Variants in SPEF2 observed in about 807,000 individuals in gnomAD.
SPEF2 encodes sperm flagellar and cilia associated 2.
A neutral mutation model predicts 224.6 loss-of-function variants in SPEF2; 187 were observed. The ratio of observed to expected loss-of-function variants is 0.83; its 90% confidence interval spans 0.74 to 0.94. SPEF2 has a LOEUF of 0.94. Ranked by LOEUF, SPEF2 falls within the 40% of genes least tolerant of loss-of-function variation. The pLI, the probability that SPEF2 is intolerant of heterozygous loss-of-function variation, is 0.00. For missense variants in SPEF2, 2,170 were observed against 2,135.6 expected (o/e 1.02, Z -0.32); for synonymous variants, 715 against 707.3 (o/e 1.01, Z -0.17).
At chr5:35,636,201 G>C (rs1745812540) in intron 2 of SPEF2, among the ~76,000 whole-genome samples, 1 of 152,118 alleles carries the variant, frequency 6.6e-6, no homozygotes, top group South Asian at 2.1e-4. Context: ...GTCTCTAGTT[G>C]ATTAGCTTAG....
chr5:35,709,112 C>T lies in SPEF2; in HGVS notation c.2830C>T (p.Pro944Ser). ...ASKTPTAKGK[P>S]QSEAPHGKQE... ...AAAAACTCCTACTGCAAAAGGAAAA[C>T]CTCAATCAGGTGATTGACAGAATGA... Residue 944 changes from proline to serine, a missense_variant, in exon 19 of 37, where the codon CCT becomes TCT. Pro to Ser is a moderately conservative substitution (Grantham distance 74). Coordinates refer to ENST00000356031, the MANE Select transcript of SPEF2 (RefSeq NM_024867.4). 2 of 1,611,796 alleles carry T rather than the reference C, an allele frequency of 1.2e-6. No individual in the cohort carries two copies. Among genetic ancestry groups the T allele is most frequent in the Non-Finnish European group, 1.7e-6 (2 of 1,179,512 alleles).
Position 35,712,841 on chromosome 5 carries a change from C to T in SPEF2, c.2869C>T (p.Gln957Ter), listed in dbSNP as rs746972336. 4.3e-6 allele frequency: 7 copies of T among 1,613,610 alleles called. No individual in the cohort carries two copies. The highest frequency in any genetic ancestry group is 5.9e-6 in the Non-Finnish European group (7 of 1,179,922). The change falls in exon 20 of 37, where the codon CAG (glutamine) becomes TAG (stop). Residue 957 changes from glutamine to a stop codon, truncating the protein, a stop_gained. Coordinates refer to ENST00000356031, the MANE Select transcript of SPEF2 (RefSeq NM_024867.4). LOFTEE classifies it high-confidence loss of function. ...EAPHGKQESLQEGKGKKGETA... is the reference protein window; with the variant it reads ...EAPHGKQESL ...CCCGCATGGTAAGCAAGAATCTCTT[C>T]AGGAAGGAAAAGGGAAGAAAGGTGA...
intron 23 of SPEF2, among the ~76,000 whole-genome samples, chr5:35,747,425 A>G (rs1225047740): frequency 6.6e-6 from 1 of 152,196 alleles, no homozygotes; most frequent in Non-Finnish European, 1.5e-5. Flanking sequence ...CCAACCAACT[A>G]TCTGCTGCTG....
chr5:35,692,080 G>A (rs1389512489), intron 11 of SPEF2, among the ~76,000 whole-genome samples: 1 of 151,910 alleles, frequency 6.6e-6, no homozygotes, highest in East Asian at 2.0e-4. Context: ...TTACAAGCAT[G>A]AGCCACCGTG....
At chr5:35,734,404 C>G (rs1274532445) in intron 21 of SPEF2, among the ~76,000 whole-genome samples, 1 of 67,180 alleles carries the variant, frequency 1.5e-5, no homozygotes, top group East Asian at 2.8e-4. Context: ...AAGAATAATT[C>G]TCTTGGGCCA....
intron 23 of SPEF2, among the ~76,000 whole-genome samples, chr5:35,749,233 C>T (rs2149713673): frequency 6.6e-6 from 1 of 152,162 alleles, no homozygotes; most frequent in South Asian, 2.1e-4. Context: ...ATGACAAACC[C>T]ACAGCTACCA....
chr5:35,675,648 ACTACAGGC>A (rs1302718278), intron 10 of SPEF2: 2 of 211,418 alleles, frequency 9.5e-6, no homozygotes, highest in African/African-American at 4.6e-5. Flanking sequence ...AGTAGCCAGG[ACTACAGGC>A]CTACAGGCGC....
chr5:35,729,280 A>G (rs1745214103), intron 21 of SPEF2, among the ~76,000 whole-genome samples: 1 of 152,122 alleles, frequency 6.6e-6, no homozygotes, highest in Non-Finnish European at 1.5e-5. Flanking sequence ...GGGGGTCACT[A>G]TGGCCCCTAG....
At position 35,646,334 on chromosome 5, in the gene SPEF2, T is replaced by C. The variant is rs181101906; in HGVS notation, c.586-333T>C. 8.2e-3 allele frequency among the ~76,000 whole-genome samples: 1,247 copies of C among 152,264 alleles called. 7 individuals carry two copies. The highest frequency in any genetic ancestry group is 0.01 in the Non-Finnish European group (705 of 68,006). ...TTTTTTCTTCCCATCCTTGGTAAGGTCATGGCAGTAGGATTGGGAAAGAAT... is the reference window on the plus strand; with the variant it reads ...TTTTTTCTTCCCATCCTTGGTAAGGCCATGGCAGTAGGATTGGGAAAGAAT... On this transcript the variant is annotated intron_variant, in intron 4 of 36. Coordinates refer to ENST00000356031, the MANE Select transcript of SPEF2 (RefSeq NM_024867.4).
intron 26 of SPEF2, among the ~76,000 whole-genome samples, chr5:35,767,578 T>C (rs1275862117): frequency 2.0e-5 from 3 of 151,940 alleles, no homozygotes; most frequent in African/African-American, 4.8e-5. Flanking sequence ...GGGGGGAAGA[T>C]GAAATTTAAA....
At chr5:35,808,106 C>T (rs1037696281) in intron 36 of SPEF2, 1 of 1,003,736 alleles carries the variant, frequency 1.0e-6, no homozygotes, top group Non-Finnish European at 1.2e-6. Flanking sequence ...TCTTCCTATA[C>T]CCACAAATGA....
At chr5:35,699,776 A>G (rs1345330895) in intron 15 of SPEF2, 1 of 152,260 alleles carries the variant, frequency 6.6e-6, no homozygotes, top group East Asian at 1.9e-4. Flanking sequence ...TGAACACAAT[A>G]TAGAAAATGC....
intron 10 of SPEF2, among the ~76,000 whole-genome samples, chr5:35,680,796 A>G (rs1026260902): frequency 6.6e-6 from 1 of 152,218 alleles, no homozygotes; most frequent in Admixed American, 6.5e-5. Context: ...AGACTCTTCT[A>G]TCTTTGTATT....
intron 21 of SPEF2, 96 bp downstream of exon 21, chr5:35,727,919 C>A: frequency 7.7e-7 from 1 of 1,306,566 alleles, no homozygotes; most frequent in Non-Finnish European, 1.1e-6. Context: ...AGGCCTTTTA[C>A]AGCAGGTAAT....
chr5:35,662,706 T>G (rs2149459263), intron 8 of SPEF2, among the ~76,000 whole-genome samples: 1 of 152,294 alleles, frequency 6.6e-6, no homozygotes, highest in South Asian at 2.1e-4. Flanking sequence ...ATTGCTTGTG[T>G]TTGTCAGGTT....
At chr5:35,664,844 G>GGGAA (rs1554023949) in intron 8 of SPEF2, among the ~76,000 whole-genome samples, 1 of 150,456 alleles carries the variant, frequency 6.6e-6, no homozygotes, top group Admixed American at 6.6e-5. Flanking sequence ...GGAGGAGAGA[G>GGGAA]AGAAAACGAG....
At chr5:35,695,700 C>T in intron 13 of SPEF2, 35 bp from the exon 14 acceptor site, 1 of 1,571,572 alleles carries the variant, frequency 6.4e-7, no homozygotes, top group African/African-American at 1.4e-5. Context: ...GTGTAAATAC[C>T]AGAAATTTGT....
chr5:35,695,036 CATT>C lies in SPEF2; in HGVS notation c.1975+680_1975+682del, dbSNP rs1755092749. On this transcript the variant is annotated intron_variant, in intron 13 of 36. Coordinates refer to ENST00000356031, the MANE Select transcript of SPEF2 (RefSeq NM_024867.4). ...TGAAGCCGAGCTCCTCCTGTGCTAT[CATT>C]ATTATTGCCATTACCATTGAACAAT... Among the ~76,000 whole-genome samples the C allele has an allele frequency of 2.0e-5, 3 of 152,256 alleles. No homozygotes were observed. The South Asian group carries it at 6.2e-4, about 32-fold the overall frequency.
intron 4 of SPEF2, among the ~76,000 whole-genome samples, chr5:35,645,392 A>G (rs901368511): frequency 2.0e-5 from 3 of 152,172 alleles, no homozygotes; most frequent in Admixed American, 2.0e-4. Context: ...TCTCAGCTTC[A>G]ATTTCCCCAA....
Sources: gnomAD v4.1 joint callset for allele counts (sites outside exome capture counted in the v4.1 genomes callset) on GRCh38, gnomAD v4.1.1 for gene constraint, MANE v1.5 for transcripts, NCBI Gene and HGNC (gene_info 2026-07-23, HGNC 2026-07-21) for gene names.